The following CALN1 variants were observed in gnomAD, a reference collection of about 807,000 sequenced individuals.
The protein encoded by CALN1 is calcium-binding protein 8.
A neutral mutation model predicts 30.6 loss-of-function variants in CALN1; 17 were observed. The ratio of observed to expected loss-of-function variants is 0.56; its 90% CI spans 0.38 to 0.83. CALN1 has a LOEUF of 0.83. CALN1 is among the 40% of genes least tolerant of loss of function. The probability of loss-of-function intolerance (pLI) is 0.00; values close to 1 mark genes in which losing one functional copy is unlikely to be tolerated. For missense variants in CALN1, 291 were observed against 354.9 expected (o/e 0.82, Z 1.45); for synonymous variants, 156 against 131.4 (o/e 1.19, Z -1.28).
intron 3 of CALN1, among the ~76,000 whole-genome samples, chr7:72,164,989 C>G (rs991146214): frequency 1.3e-5 from 2 of 152,118 alleles, no homozygotes; most frequent in African/African-American, 4.8e-5. Context: ...GCCACTGCAC[C>G]CAGCCAAGTA....
At chr7:71,985,584 CTTTTTTTTTTT>C (rs962922789) in intron 5 of CALN1, among the ~76,000 whole-genome samples, 6 of 96,442 alleles carry the variant, frequency 6.2e-5, no homozygotes, top group Admixed American at 1.3e-4. Context: ...AGGTAGTTTT[CTTTTTTTTTTT>C]TTTTTTTTTT....
chr7:71,997,099 T>C (rs956815338), intron 5 of CALN1, among the ~76,000 whole-genome samples: 1 of 152,032 alleles, frequency 6.6e-6, no homozygotes, highest in Non-Finnish European at 1.5e-5. Context: ...TGTGGTGGCA[T>C]GCACTGATAG....
chr7:72,467,274 T>C, the CALN1 span, among the ~76,000 whole-genome samples: 1 of 152,084 alleles, frequency 6.6e-6, no homozygotes, highest in Non-Finnish European at 1.5e-5. Flanking sequence ...ATCCTGCTGG[T>C]GGGGCTGAGA....
intron 3 of CALN1, among the ~76,000 whole-genome samples, chr7:72,265,797 T>C (rs918659459): frequency 2.0e-5 from 3 of 151,960 alleles, no homozygotes. Flanking sequence ...CTAGGACACA[T>C]TTTTCTAAAG....
At position 72,407,076 on chromosome 7, in the gene CALN1, C is replaced by CT. The variant is rs1391519097; in HGVS notation, c.-73-3635dup. On this transcript the variant is annotated intron_variant, in intron 1 of 6. Coordinates refer to ENST00000395275, the MANE Select transcript of CALN1 (RefSeq NM_031468.4). The stretch of plus-strand genomic sequence containing the variant: ...GCCCTGGGTCTACGCTTTGAGTACT[C>CT]TATCACCTGCATCACTTTTACCAAC... Among the ~76,000 whole-genome samples, 5 of 152,278 alleles carry CT rather than the reference C, an allele frequency of 3.3e-5. No individual in the cohort carries two copies. The East Asian group carries it at 5.8e-4, about 18-fold the overall frequency.
rs544039627 is a variant in CALN1 at position 71,978,902 on chromosome 7, T to G, written c.501+44755A>C. Among the ~76,000 whole-genome samples, 5 of 152,350 alleles carry G rather than the reference T, an allele frequency of 3.3e-5. No homozygotes were observed. The South Asian group carries it at 1.0e-3, about 32-fold the overall frequency. On this transcript the variant is annotated intron_variant, in intron 5 of 6. Transcript: ENST00000395275. ...GACAATTCTCTGTGGATCTCTTACA[T>G]TTCTGTATGTCTTATAAGCACAGGC...
chr7:71,811,823 T>A (rs937973931), intron 5 of CALN1, among the ~76,000 whole-genome samples: 12 of 151,778 alleles, frequency 7.9e-5, no homozygotes, highest in Admixed American at 3.3e-4. Context: ...GGATTACAGG[T>A]GTGCACCACC....
At chr7:71,790,136 GAAGA>G (rs1266895914) in intron 6 of CALN1, among the ~76,000 whole-genome samples, 1 of 125,800 alleles carries the variant, frequency 7.9e-6, no homozygotes, top group Non-Finnish European at 1.6e-5. Context: ...AAAGAAGAAA[GAAGA>G]AAGAAAGAAG....
At chr7:72,486,679 CAAT>C in the CALN1 span, among the ~76,000 whole-genome samples, 1 of 151,880 alleles carries the variant, frequency 6.6e-6, no homozygotes, top group Non-Finnish European at 1.5e-5. Flanking sequence ...AGCCACAATA[CAAT>C]AAGATTTAGT....
chr7:72,397,742 A>ACACACACACACC (rs1375318968), intron 2 of CALN1, among the ~76,000 whole-genome samples: 1 of 151,318 alleles, frequency 6.6e-6, no homozygotes, highest in Non-Finnish European at 1.5e-5. Flanking sequence ...ACACACACAC[A>ACACACACACACC]CACACACACC....
intron 3 of CALN1, among the ~76,000 whole-genome samples, chr7:72,191,703 G>C (rs1790621331): frequency 6.6e-6 from 1 of 152,078 alleles, no homozygotes; most frequent in Admixed American, 6.6e-5. Flanking sequence ...TCCCAGGGCT[G>C]CCATCACAAA....
the CALN1 span, among the ~76,000 whole-genome samples, chr7:72,455,321 ATGTGTGTGTGTG>A: frequency 9.1e-4 from 127 of 138,852 alleles, no homozygotes; most frequent in East Asian, 2.3e-3. Flanking sequence ...ATATATATAT[ATGTGTGTGTGTG>A]TGTGTGTGTG....
At chr7:72,025,718 C>A (rs1231363802) in intron 4 of CALN1, among the ~76,000 whole-genome samples, 1 of 152,202 alleles carries the variant, frequency 6.6e-6, no homozygotes, top group African/African-American at 2.4e-5. Context: ...ACCTTGGCTG[C>A]AGCCAGCACA....
chr7:72,129,985 C>T (rs938960072), intron 3 of CALN1, among the ~76,000 whole-genome samples: 5 of 152,142 alleles, frequency 3.3e-5, no homozygotes, highest in African/African-American at 1.2e-4. Context: ...TTAATGCCCT[C>T]CCTCAGGGGT....
At chr7:72,242,209 T>C (rs1315124297) in intron 3 of CALN1, among the ~76,000 whole-genome samples, 1 of 152,206 alleles carries the variant, frequency 6.6e-6, no homozygotes, top group East Asian at 1.9e-4. Context: ...TGTCAGAATG[T>C]CCTTCCTTTT....
At chr7:72,335,813 C>A (rs1407664204) in intron 2 of CALN1, among the ~76,000 whole-genome samples, 1 of 152,158 alleles carries the variant, frequency 6.6e-6, no homozygotes, top group African/African-American at 2.4e-5. Flanking sequence ...AGCCGATCCC[C>A]TCGGTGCACG....
At chr7:71,961,352 C>T (rs1440276793) in intron 5 of CALN1, among the ~76,000 whole-genome samples, 1 of 152,158 alleles carries the variant, frequency 6.6e-6, no homozygotes, top group Non-Finnish European at 1.5e-5. Context: ...ATAGAAATTT[C>T]CCTACCAAAT....
chr7:71,915,462 A>G (rs1276986341), intron 5 of CALN1, among the ~76,000 whole-genome samples: 1 of 152,130 alleles, frequency 6.6e-6, no homozygotes, highest in Non-Finnish European at 1.5e-5. Flanking sequence ...GGCCAGGCAC[A>G]GTGGCTCATG....
chr7:72,385,781 G>A lies in CALN1; in HGVS notation c.119+17470C>T, dbSNP rs573954759. Among the ~76,000 whole-genome samples the A allele has an allele frequency of 1.2e-4, 19 of 152,236 alleles. No individual in the cohort carries two copies. In the South Asian group the frequency reaches 3.7e-3, roughly 30 times the overall value. On this transcript the variant is annotated intron_variant, in intron 2 of 6. Coordinates refer to ENST00000395275, the MANE Select transcript of CALN1 (RefSeq NM_031468.4). ...GTGTGTGGCAGTTTCCTCATCACAC[G>A]CTCTCTCCTGCTGCCATGTCAAGAA...
Sources: gnomAD v4.1 joint callset for allele counts (sites outside exome capture counted in the v4.1 genomes callset) on GRCh38, gnomAD v4.1.1 for gene constraint, MANE v1.5 for transcripts, NCBI Gene and HGNC (gene_info 2026-07-23, HGNC 2026-07-21) for gene names.